FGF14: variants seen among roughly 807,000 people sequenced by gnomAD.
FGF14 encodes the protein fibroblast growth factor homologous factor 4.
A neutral mutation model predicts 25.5 loss-of-function variants in FGF14; 5 were observed. The ratio of observed to expected loss-of-function variants is 0.20; its 90% CI spans 0.10 to 0.41. The LOEUF is 0.41. Ranked by LOEUF, FGF14 falls within the 10% of genes least tolerant of loss-of-function variation. The probability of loss-of-function intolerance (pLI) is 1.00; values close to 1 mark genes in which losing one functional copy is unlikely to be tolerated. For missense variants in FGF14, 222 were observed against 320.1 expected (o/e 0.69, Z 2.34); for synonymous variants, 138 against 118.3 (o/e 1.17, Z -1.08).
chr13:101,833,482 C>CA (rs1279255343), intron 3 of FGF14, among the ~76,000 whole-genome samples: 2 of 151,606 alleles, frequency 1.3e-5, no homozygotes, highest in East Asian at 1.9e-4. Context: ...GTTCTTCAGA[C>CA]AAAAAAATAA....
chr13:102,121,617 G>A (rs190587575), intron 1 of FGF14, among the ~76,000 whole-genome samples: 2 of 152,238 alleles, frequency 1.3e-5, no homozygotes, highest in East Asian at 3.9e-4. Context: ...AAGTGGAAAT[G>A]TTTACTTATA....
chr13:102,120,569 C>G (rs768250191), intron 1 of FGF14, among the ~76,000 whole-genome samples: 105 of 152,302 alleles, frequency 6.9e-4, no homozygotes, highest in Non-Finnish European at 1.1e-3. Flanking sequence ...TGCTCTGCCT[C>G]CCCTTCCCCT....
rs572361610 is a variant in FGF14 at position 101,717,065 on chromosome 13, T to A, written c.*5766A>T. The A allele has an allele frequency of 1.3e-5, 2 of 152,174 alleles. No individual in the cohort carries two copies. The highest frequency in any genetic ancestry group is 3.9e-4 in the East Asian group (2 of 5,176). 9.4% of individuals were successfully genotyped at this position (152,174 alleles called of 1,614,324 possible). ...ATTACTTTGTAAAATCCTAGAATAA[T>A]GTAGCAAAATCATTTCCGTATTACT... On this transcript the variant is annotated 3_prime_UTR_variant, in exon 5 of 5. Transcript: ENST00000376143.
At chr13:101,969,093 T>C (rs914970807) in intron 1 of FGF14, among the ~76,000 whole-genome samples, 34 of 152,260 alleles carry the variant, frequency 2.2e-4, no homozygotes, top group Non-Finnish European at 4.0e-4. Context: ...ATCTGGCCAG[T>C]GGGCTCCATG....
chr13:101,867,934 ACG>A (rs1403038685), intron 3 of FGF14, among the ~76,000 whole-genome samples: 1,751 of 133,858 alleles, frequency 0.013, 25 homozygotes, highest in African/African-American at 0.042. Flanking sequence ...ACACACACAC[ACG>A]CGCACACACA....
chr13:101,802,791 GT>G (rs2040958434), intron 3 of FGF14, among the ~76,000 whole-genome samples: 2 of 152,316 alleles, frequency 1.3e-5, no homozygotes, highest in Admixed American at 1.3e-4. Flanking sequence ...CATGTGTAAG[GT>G]GATGTTTACT....
chr13:102,374,647 TATATA>T (rs1566971014), intron 1 of FGF14, among the ~76,000 whole-genome samples: 10 of 1,448 alleles, frequency 6.9e-3, no homozygotes, highest in East Asian at 0.019. Flanking sequence ...ACATATTTTA[TATATA>T]TATATATATA....
chr13:102,369,120 A>G (rs2057801243), intron 1 of FGF14, among the ~76,000 whole-genome samples: 1 of 152,172 alleles, frequency 6.6e-6, no homozygotes, highest in South Asian at 2.1e-4. Flanking sequence ...TGGCCCATTT[A>G]CATGCCCAAG....
intron 1 of FGF14, among the ~76,000 whole-genome samples, chr13:102,215,673 T>G (rs1317189897): frequency 1.3e-5 from 2 of 152,192 alleles, no homozygotes; most frequent in Non-Finnish European, 2.9e-5. Flanking sequence ...TCCACACTAC[T>G]GTGTGTGTAT....
intron 1 of FGF14, among the ~76,000 whole-genome samples, chr13:102,230,473 AG>A (rs2051032351): frequency 6.6e-6 from 1 of 152,140 alleles, no homozygotes; most frequent in Admixed American, 6.6e-5. Flanking sequence ...GCTCCATAAA[AG>A]GTATACTGGG....
chr13:101,834,413 C>G (rs1281529814), intron 3 of FGF14, among the ~76,000 whole-genome samples: 4 of 152,050 alleles, frequency 2.6e-5, no homozygotes, highest in Admixed American at 6.6e-5. Context: ...TCCATAGCTA[C>G]AGAGAGTCAC....
intron 1 of FGF14, among the ~76,000 whole-genome samples, chr13:102,372,449 T>C (rs1252978788): frequency 6.6e-6 from 1 of 152,160 alleles, no homozygotes; most frequent in African/African-American, 2.4e-5. Context: ...ACGAGAAGAC[T>C]AGCGATGAAG....
chr13:102,064,524 A>G (rs1349578340), intron 1 of FGF14, among the ~76,000 whole-genome samples: 2 of 151,982 alleles, frequency 1.3e-5, no homozygotes, highest in Non-Finnish European at 2.9e-5. Context: ...ACAAAATAAT[A>G]TAAGTAAAAC....
At chr13:101,971,414 AGGCTGTAGTGCAG>A (rs1168051930) in intron 1 of FGF14, among the ~76,000 whole-genome samples, 1 of 151,128 alleles carries the variant, frequency 6.6e-6, no homozygotes, top group Non-Finnish European at 1.5e-5. Flanking sequence ...TCTGTCACCC[AGGCTGTAGTGCAG>A]TGGCATGTTC....
chr13:101,796,809 C>T (rs1055007579), intron 3 of FGF14, among the ~76,000 whole-genome samples: 1 of 152,078 alleles, frequency 6.6e-6, no homozygotes, highest in East Asian at 1.9e-4. Context: ...CTTTAAGCCC[C>T]CCGGTTGGTA....
In FGF14 at chr13:101,817,197, G is replaced by C. The variant is rs189140864; in HGVS notation, c.408+51528C>G. Among the ~76,000 whole-genome samples the C allele has an allele frequency of 3.3e-3, 503 of 152,216 alleles. 1 individual carries two copies. Among genetic ancestry groups the C allele is most frequent in the Middle Eastern group, 0.017 (5 of 294 alleles). ...GGGCCTGGTTTCTCAGTGAGCATCAGAATACTAGCAAAGCTCAGGCTACAT... is the reference window on the plus strand; with the variant it reads ...GGGCCTGGTTTCTCAGTGAGCATCACAATACTAGCAAAGCTCAGGCTACAT... On this transcript the variant is annotated intron_variant, in intron 3 of 4. Transcript: ENST00000376143.
At chr13:102,086,033 C>T (rs2043878770) in intron 1 of FGF14, among the ~76,000 whole-genome samples, 2 of 152,124 alleles carry the variant, frequency 1.3e-5, no homozygotes, top group Non-Finnish European at 2.9e-5. Flanking sequence ...ATAGAGCAAG[C>T]AAAAGGGCAG....
intron 1 of FGF14, among the ~76,000 whole-genome samples, chr13:102,177,034 A>G (rs1008433452): frequency 6.6e-6 from 1 of 152,168 alleles, no homozygotes; most frequent in South Asian, 2.1e-4. Context: ...AAAAACATCA[A>G]TCAACCAAAC....
At chr13:102,049,196 T>C (rs932925445) in intron 1 of FGF14, among the ~76,000 whole-genome samples, 2 of 152,204 alleles carry the variant, frequency 1.3e-5, no homozygotes, top group African/African-American at 4.8e-5. Context: ...CCTTATAGGC[T>C]ATATATAATT....
Sources: allele counts gnomAD v4.1 joint callset (sites outside exome capture counted in the v4.1 genomes callset), GRCh38; gene constraint gnomAD v4.1.1; transcripts MANE v1.5; gene names NCBI Gene and HGNC (gene_info 2026-07-23, HGNC 2026-07-21).